The following ADCY2 variants were observed in gnomAD, a reference collection of about 807,000 sequenced individuals.
The protein encoded by ADCY2 is adenylate cyclase type 2.
ADCY2 carries 31 observed loss-of-function variants against 125.2 expected under a neutral mutation model. The ratio of observed to expected loss-of-function variants is 0.25; its 90% CI spans 0.19 to 0.33. The LOEUF (loss-of-function observed/expected upper bound fraction) is 0.33. ADCY2 is among the 10% of genes least tolerant of loss of function. The probability of loss-of-function intolerance (pLI) is 1.00; values close to 1 mark genes in which losing one functional copy is unlikely to be tolerated. For synonymous variants in ADCY2, 512 were observed against 548.4 expected (o/e 0.93, Z 0.93); for missense variants, 904 against 1,418.2 (o/e 0.64, Z 5.82).
chr5:7,682,422 C>G (rs1313655917), intron 4 of ADCY2, among the ~76,000 whole-genome samples: 1 of 152,124 alleles, frequency 6.6e-6, no homozygotes, highest in Non-Finnish European at 1.5e-5. Flanking sequence ...ATGGCTTTGC[C>G]CCCTTCTGTT....
chr5:7,785,893 G>A (rs887746995), intron 19 of ADCY2, among the ~76,000 whole-genome samples: 1 of 152,148 alleles, frequency 6.6e-6, no homozygotes, highest in Non-Finnish European at 1.5e-5. Context: ...TACACATTCA[G>A]TACCACTACA....
chr5:7,460,431 A>G (rs913005678), intron 2 of ADCY2, among the ~76,000 whole-genome samples: 8 of 152,136 alleles, frequency 5.3e-5, no homozygotes, highest in Admixed American at 4.6e-4. Flanking sequence ...CTGCCAACAT[A>G]CACTAGGCTC....
chr5:7,593,089 G>C (rs2126627600), intron 3 of ADCY2, among the ~76,000 whole-genome samples: 1 of 152,248 alleles, frequency 6.6e-6, no homozygotes, highest in East Asian at 1.9e-4. Flanking sequence ...ATAGCAGGAG[G>C]GAGAGCTGTG....
Position 7,757,479 on chromosome 5 carries a change from A to G in ADCY2, c.1987A>G (p.Met663Val), listed in dbSNP as rs550831908. 3 of 1,614,042 alleles carry G rather than the reference A, an allele frequency of 1.9e-6. No individual in the cohort carries two copies. The highest frequency in any genetic ancestry group is 2.2e-5 in the East Asian group (1 of 44,864). ...CAGCAAAAAAGCCTCTCCCCTGCTC[A>G]TGTGGCTTTTGAAGTCCTCGGGCAT... is the stretch of plus-strand genomic sequence containing the variant. ...QCSKKASPLL[M>V]WLLKSSGIIA... Residue 663 changes from methionine to valine, a missense_variant, in exon 16 of 25, where the codon ATG (methionine) becomes GTG (valine). Around this residue, in one of 7 missense-constraint regions of ADCY2, gnomAD observed 221 missense variants for 246.2 expected, o/e 0.90. Transcript: ENST00000338316.
chr5:7,825,206 G>A (rs1035920253), intron 24 of ADCY2, among the ~76,000 whole-genome samples: 3 of 151,396 alleles, frequency 2.0e-5, no homozygotes, highest in East Asian at 1.9e-4. Flanking sequence ...TGTGCGCCAC[G>A]ACAACGCTGC....
rs986924102 is a variant in ADCY2, at chr5:7,520,280, C to T, written c.409-458C>T. ...TTTGTTTGTTACATACCCGTGCTCT[C>T]GGCATCTGCTTTCACTAACTCCCCT... On this transcript the variant is annotated intron_variant, in intron 2 of 24. Coordinates refer to ENST00000338316, the MANE Select transcript of ADCY2 (RefSeq NM_020546.3). Among the ~76,000 whole-genome samples the T allele has an allele frequency of 2.6e-5, 4 of 152,152 alleles. No individual in the cohort carries two copies. The East Asian group carries it at 5.8e-4, about 22-fold the overall frequency.
rs572076457 is a variant in ADCY2 at position 7,763,639 on chromosome 5, T to C, written c.2095-3048T>C. On this transcript the variant is annotated intron_variant, in intron 16 of 24. Transcript: ENST00000338316. ...CTTCCTATTTCTATGAATTTGCCTATTCTAGGGACCTCACATGAGTGGAGT... is the reference window on the plus strand; with the variant it reads ...CTTCCTATTTCTATGAATTTGCCTACTCTAGGGACCTCACATGAGTGGAGT... Among the ~76,000 whole-genome samples, 27 of 152,270 alleles carry C rather than the reference T, an allele frequency of 1.8e-4. 1 individual carries two copies. In the South Asian group the frequency reaches 4.8e-3, roughly 27 times the overall value.
chr5:7,570,700 C>G (rs1321012692), intron 3 of ADCY2, among the ~76,000 whole-genome samples: 1 of 151,266 alleles, frequency 6.6e-6, no homozygotes, highest in Non-Finnish European at 1.5e-5. Flanking sequence ...GAACTCCACA[C>G]TACAGAATTT....
rs1275389882 is a variant in ADCY2, at chr5:7,812,190, A to T, written c.2884-4676A>T. On this transcript the variant is annotated intron_variant, in intron 22 of 24. Coordinates refer to ENST00000338316, the MANE Select transcript of ADCY2 (RefSeq NM_020546.3). ...GTTCCCTTCACTGGTAAGAATCGAG[A>T]ATAGCTTAGGTCTCTGTGGAAATGA... Among the ~76,000 whole-genome samples, 3 of 152,194 alleles carry T rather than the reference A, an allele frequency of 2.0e-5. No individual in the cohort carries two copies. The East Asian group carries it at 5.8e-4, about 29-fold the overall frequency.
At chr5:7,480,087 G>A (rs1742672802) in intron 2 of ADCY2, among the ~76,000 whole-genome samples, 1 of 152,076 alleles carries the variant, frequency 6.6e-6, no homozygotes, top group Non-Finnish European at 1.5e-5. Context: ...AAGTCAGGAT[G>A]GCTACTATTA....
chr5:7,636,284 A>C (rs924166993), intron 4 of ADCY2, among the ~76,000 whole-genome samples: 1 of 152,210 alleles, frequency 6.6e-6, no homozygotes, highest in African/African-American at 2.4e-5. Flanking sequence ...GCAGGTGCAG[A>C]ATGAGAGAGA....
At chr5:7,731,993 C>T (rs1185489235) in intron 14 of ADCY2, among the ~76,000 whole-genome samples, 1 of 152,174 alleles carries the variant, frequency 6.6e-6, no homozygotes, top group Non-Finnish European at 1.5e-5. Flanking sequence ...CTTGTATTAT[C>T]TGTAATTTTG....
intron 2 of ADCY2, among the ~76,000 whole-genome samples, chr5:7,518,990 C>T (rs1397471705): frequency 6.6e-6 from 1 of 152,136 alleles, no homozygotes; most frequent in Non-Finnish European, 1.5e-5. Context: ...TTCTTCAGGT[C>T]GGAGTGCCTT....
chr5:7,544,601 C>A (rs545911900), intron 3 of ADCY2, among the ~76,000 whole-genome samples: 1 of 152,256 alleles, frequency 6.6e-6, no homozygotes, highest in East Asian at 1.9e-4. Context: ...GTCCCTTTTG[C>A]CATGGAAGGC....
intron 2 of ADCY2, among the ~76,000 whole-genome samples, chr5:7,499,419 T>TA (rs1467833191): frequency 3.3e-5 from 5 of 152,056 alleles, no homozygotes; most frequent in Non-Finnish European, 7.4e-5. Flanking sequence ...GTTCACTTTG[T>TA]AAAATCCATC....
chr5:7,648,662 A>G (rs1738980991), intron 4 of ADCY2, among the ~76,000 whole-genome samples: 3 of 152,224 alleles, frequency 2.0e-5, no homozygotes, highest in Non-Finnish European at 4.4e-5. Flanking sequence ...TATGTATACA[A>G]TATACCAGTC....
At chr5:7,543,379 C>A (rs1210553098) in intron 3 of ADCY2, among the ~76,000 whole-genome samples, 1 of 151,956 alleles carries the variant, frequency 6.6e-6, no homozygotes, top group East Asian at 1.9e-4. Flanking sequence ...TATTGTATTT[C>A]AATATTTTGA....
chr5:7,550,140 A>G (rs113640937), intron 3 of ADCY2, among the ~76,000 whole-genome samples: 43 of 152,262 alleles, frequency 2.8e-4, no homozygotes, highest in African/African-American at 9.4e-4. Context: ...AATTCTCTCT[A>G]TTGAATTGAG....
intron 3 of ADCY2, among the ~76,000 whole-genome samples, chr5:7,552,271 C>G (rs947964376): frequency 6.6e-6 from 1 of 152,158 alleles, no homozygotes; most frequent in Non-Finnish European, 1.5e-5. Flanking sequence ...TCTCCTTAAT[C>G]TACATTTTAA....
Sources: allele counts gnomAD v4.1 joint callset (sites outside exome capture counted in the v4.1 genomes callset), GRCh38; gene constraint gnomAD v4.1.1; regional missense constraint gnomAD v4.1.1; transcripts MANE v1.5; gene names NCBI Gene and HGNC (gene_info 2026-07-23, HGNC 2026-07-21).